DLGAP2: variants seen among roughly 807,000 people sequenced by gnomAD.
DLGAP2 encodes the protein DLG associated protein 2, also known as disks large-associated protein 2.
DLGAP2 carries 26 observed loss-of-function variants against 100.3 expected under a neutral mutation model. That is an observed-to-expected ratio of 0.26 (90% CI 0.19 to 0.36). The LOEUF is 0.36. Ranked by LOEUF, DLGAP2 falls within the 10% of genes least tolerant of loss-of-function variation. The probability of loss-of-function intolerance (pLI) is 1.00; values close to 1 mark genes in which losing one functional copy is unlikely to be tolerated. For synonymous variants in DLGAP2, 886 were observed against 630.1 expected (o/e 1.41, Z -6.08); for missense variants, 1,858 against 1,453.2 (o/e 1.28, Z -4.53).
intron 12 of DLGAP2, among the ~76,000 whole-genome samples, chr8:1,683,347 A>C (rs555170105): frequency 1.2e-4 from 18 of 151,548 alleles, no homozygotes; most frequent in Non-Finnish European, 2.4e-4. Flanking sequence ...GAACTGGGGA[A>C]CAGAGGCCCC....
intron 2 of DLGAP2, among the ~76,000 whole-genome samples, chr8:1,244,292 T>A (rs1486748748): frequency 3.3e-5 from 5 of 152,136 alleles, no homozygotes; most frequent in African/African-American, 1.2e-4. Flanking sequence ...GCTTAATAAA[T>A]AACTGTGGAA....
chr8:1,548,784 C>T lies in DLGAP2; in HGVS notation c.331C>T (p.His111Tyr), dbSNP rs752216685. Reference sequence around the variant, plus strand: ...GCCCCCGGAGGACTGCGAGCACCTGCACCACGGGCCCGACGCGCGGCCGCC... The same window carrying T: ...GCCCCCGGAGGACTGCGAGCACCTGTACCACGGGCCCGACGCGCGGCCGCC... ...LAPPEDCEHL[H>Y]HGPDARPPYL... The change falls in exon 5 of 15, where the codon CAC becomes TAC. Residue 111 changes from histidine to tyrosine, a missense_variant. Physicochemically the swap from His to Tyr is moderately conservative, Grantham distance 83. Transcript: ENST00000637795. 2 of 1,590,572 alleles carry T rather than the reference C, an allele frequency of 1.3e-6. No homozygotes were observed. The highest frequency in any genetic ancestry group is 8.5e-7 in the Non-Finnish European group (1 of 1,171,360).
intron 1 of DLGAP2, among the ~76,000 whole-genome samples, chr8:831,707 T>G (rs1288912669): frequency 6.6e-6 from 1 of 152,210 alleles, no homozygotes; most frequent in Non-Finnish European, 1.5e-5. Flanking sequence ...GTAGTATGAT[T>G]TATAATCCTT....
At chr8:1,505,715 A>G (rs1480971533) in intron 4 of DLGAP2, among the ~76,000 whole-genome samples, 4 of 152,208 alleles carry the variant, frequency 2.6e-5, no homozygotes, top group African/African-American at 9.6e-5. Flanking sequence ...TCCAGAAGAA[A>G]TGTTTCTAGG....
chr8:1,374,170 TGC>T (rs1802333185), intron 3 of DLGAP2, among the ~76,000 whole-genome samples: 1 of 150,962 alleles, frequency 6.6e-6, no homozygotes, highest in South Asian at 2.1e-4. Context: ...AGGTTAGGTT[TGC>T]AGAGGGCTGT....
intron 1 of DLGAP2, among the ~76,000 whole-genome samples, chr8:810,585 AT>A (rs1280726053): frequency 2.0e-5 from 3 of 152,210 alleles, no homozygotes; most frequent in Non-Finnish European, 2.9e-5. Flanking sequence ...CTGTGCTGCA[AT>A]TTTTTTAACC....
chr8:989,002 G>A (rs891156049), intron 2 of DLGAP2, among the ~76,000 whole-genome samples: 3 of 152,048 alleles, frequency 2.0e-5, no homozygotes, highest in South Asian at 2.1e-4. Context: ...CACTGCCTCC[G>A]CTCGCGGCTC....
At position 1,314,756 on chromosome 8, in the gene DLGAP2, G is replaced by A. The variant is rs562509344; in HGVS notation, c.106+55873G>A. Among the ~76,000 whole-genome samples the A allele has an allele frequency of 2.6e-5, 4 of 152,194 alleles. No homozygotes were observed. The South Asian group carries it at 8.3e-4, about 31-fold the overall frequency. ...GGACTTTCGGGGGTCTCCCTATGGT[G>A]CCACTTCTCTCTCTTTTCTGAATTT... On this transcript the variant is annotated intron_variant, in intron 3 of 14. Transcript: ENST00000637795.
At chr8:1,324,711 T>A (rs963110445) in intron 3 of DLGAP2, among the ~76,000 whole-genome samples, 1 of 152,254 alleles carries the variant, frequency 6.6e-6, no homozygotes, top group Non-Finnish European at 1.5e-5. Flanking sequence ...ATTCCTTAAC[T>A]GTTGAGGACT....
At chr8:1,223,342 C>A (rs111756021) in intron 2 of DLGAP2, among the ~76,000 whole-genome samples, 16 of 152,302 alleles carry the variant, frequency 1.1e-4, no homozygotes, top group African/African-American at 2.6e-4. Flanking sequence ...GTGAGAAGCG[C>A]TTCCCGTGTG....
At chr8:1,554,147 G>A (rs977132881) in intron 5 of DLGAP2, among the ~76,000 whole-genome samples, 1 of 152,124 alleles carries the variant, frequency 6.6e-6, no homozygotes, top group Admixed American at 6.5e-5. Flanking sequence ...AACTAGCCAG[G>A]CCTGGTGACA....
Position 1,568,900 on chromosome 8 carries a change from C to T in DLGAP2, c.1442+3006C>T, listed in dbSNP as rs537432283. On this transcript the variant is annotated intron_variant, in intron 6 of 14. Coordinates refer to ENST00000637795, the MANE Select transcript of DLGAP2 (RefSeq NM_001346810.2). Reference sequence around the variant, plus strand: ...ACAAATCCATCTCTGCCTGCGGCCCCCATGCCACTGCCCACTCAGCAGACA... The same window carrying T: ...ACAAATCCATCTCTGCCTGCGGCCCTCATGCCACTGCCCACTCAGCAGACA... Among the ~76,000 whole-genome samples, 9 of 76,042 alleles carry T rather than the reference C, an allele frequency of 1.2e-4. 1 individual carries two copies. Among genetic ancestry groups the T allele is most frequent in the African/African-American group, 4.1e-4 (9 of 22,194 alleles). 49.9% of individuals were successfully genotyped at this position (76,042 alleles called of 152,430 possible).
intron 3 of DLGAP2, among the ~76,000 whole-genome samples, chr8:1,331,068 G>A (rs893337172): frequency 2.0e-5 from 3 of 152,180 alleles, no homozygotes; most frequent in African/African-American, 7.2e-5. Flanking sequence ...ATGCCAGGGA[G>A]GACGGGCTGC....
chr8:1,383,868 G>A (rs192513271), intron 3 of DLGAP2, among the ~76,000 whole-genome samples: 1 of 152,218 alleles, frequency 6.6e-6, no homozygotes. Context: ...CTTCATGGGT[G>A]AGAGAGCGGC....
chr8:1,189,726 AG>A (rs1797593382), intron 2 of DLGAP2, among the ~76,000 whole-genome samples: 8 of 113,978 alleles, frequency 7.0e-5, no homozygotes, highest in Non-Finnish European at 1.0e-4. Flanking sequence ...AGCGAGCTCG[AG>A]TTATCCAATA....
intron 2 of DLGAP2, among the ~76,000 whole-genome samples, chr8:948,686 C>T (rs992343328): frequency 1.3e-5 from 2 of 152,246 alleles, no homozygotes; most frequent in African/African-American, 4.8e-5. Context: ...CTGCCCGGCC[C>T]CACGTCTCCC....
In DLGAP2 at chr8:1,701,405, G is replaced by A. The variant is rs755053043; in HGVS notation, c.3167G>A (p.Ter1056=). 1.2e-5 allele frequency: 19 copies of A among 1,584,246 alleles called. No homozygotes were observed. In the South Asian group the frequency reaches 1.8e-4, roughly 15 times the overall value. Residue 1056 remains the stop codon, a stop_retained_variant, in exon 15 of 15, where the codon TGA becomes TAA. Coordinates refer to ENST00000637795, the MANE Select transcript of DLGAP2 (RefSeq NM_001346810.2). ...ATCCCCGAGGCCCAGACCCGGCTCT[G>A]AGGGCGGAGGCCGGCGCCTTCCCCT... ...IYIPEAQTRL[*]
intron 2 of DLGAP2, among the ~76,000 whole-genome samples, chr8:961,192 A>C (rs1428967685): frequency 1.3e-5 from 2 of 152,228 alleles, no homozygotes. Flanking sequence ...GGTCTGCGAA[A>C]GCTGGGGCCA....
chr8:977,832 GGC>G (rs1800210097), intron 2 of DLGAP2, among the ~76,000 whole-genome samples: 1 of 55,762 alleles, frequency 1.8e-5, no homozygotes, highest in Non-Finnish European at 4.4e-5. Context: ...TTGTGGGGAG[GGC>G]GTCGGGGATG....
Sources: allele counts gnomAD v4.1 joint callset (sites outside exome capture counted in the v4.1 genomes callset), GRCh38; gene constraint gnomAD v4.1.1; transcripts MANE v1.5; gene names NCBI Gene and HGNC (gene_info 2026-07-23, HGNC 2026-07-21).